The following HS3ST1 variants were observed in gnomAD, a reference collection of about 807,000 sequenced individuals.
HS3ST1 encodes heparan sulfate glucosamine 3-O-sulfotransferase 1.
A neutral mutation model predicts 20.7 loss-of-function variants in HS3ST1; 8 were observed. The observed-to-expected ratio is 0.39, with a 90% CI of 0.23 to 0.70. HS3ST1 has a LOEUF of 0.70. Among genes scored for constraint, HS3ST1 ranks in the 30% least tolerant of loss-of-function variants. HS3ST1 has a pLI of 0.46. For synonymous variants in HS3ST1, 205 were observed against 190.4 expected, an observed-to-expected ratio of 1.08 and a Z score of -0.63; for missense variants, 436 against 423.4, an observed-to-expected ratio of 1.03 and a Z score of -0.26.
intron 1 of HS3ST1, among the ~76,000 whole-genome samples, chr4:11,423,651 T>C (rs1481400794): frequency 2.0e-5 from 3 of 152,274 alleles, no homozygotes; most frequent in African/African-American, 7.2e-5. Flanking sequence ...CAGAACAATA[T>C]GCGGTACATG....
rs1247818643 is a variant in HS3ST1 at position 11,395,205 on chromosome 4, TTCCCACAGGAAGG to T, written c.*3864_*3876del. On this transcript the variant is annotated 3_prime_UTR_variant, in exon 2 of 2. Transcript: ENST00000002596. ...TTTATGGCAATTCCTCCATGAAGCC[TTCCCACAGGAAGG>T]TCAGGGTCTCTGTGGCCCACAAGTT... 6.6e-6 allele frequency: 1 copy of T among 152,136 alleles called. No individual in the cohort carries two copies. The highest frequency in any genetic ancestry group is 1.5e-5 in the Non-Finnish European group (1 of 68,018). The allele number at this position is 152,136 out of a possible 1,614,324, so 9.4% of individuals were successfully genotyped here. A position where few individuals can be genotyped will look rare whatever the true frequency, so the allele number is the denominator to read the frequency against.
intron 1 of HS3ST1, among the ~76,000 whole-genome samples, chr4:11,401,002 C>T (rs1246732387): frequency 6.6e-6 from 1 of 152,092 alleles, no homozygotes; most frequent in East Asian, 1.9e-4. Flanking sequence ...GTTTTAAGCC[C>T]CTGAGTTTTG....
intron 1 of HS3ST1, among the ~76,000 whole-genome samples, chr4:11,407,885 C>A (rs116828790): frequency 0.012 from 1,799 of 152,350 alleles, 40 homozygotes; most frequent in African/African-American, 0.041. Context: ...TAGTCTTTGG[C>A]ATGGCTAGGA....
At chr4:11,400,538 C>G (rs1176660960) in intron 1 of HS3ST1, among the ~76,000 whole-genome samples, 1 of 152,136 alleles carries the variant, frequency 6.6e-6, no homozygotes, top group East Asian at 1.9e-4. Context: ...CCAGGTTTGC[C>G]TCCCTAGTCA....
chr4:11,421,639 T>TC (rs1718938553), intron 1 of HS3ST1, among the ~76,000 whole-genome samples: 2 of 152,234 alleles, frequency 1.3e-5, no homozygotes, highest in Non-Finnish European at 2.9e-5. Context: ...TACAAGTACT[T>TC]CATCTGCAGG....
At chr4:11,433,011 G>T (rs747911684), upstream of HS3ST1, among the ~76,000 whole-genome samples, 1 of 152,078 alleles carries the variant, frequency 6.6e-6, no homozygotes, top group Non-Finnish European at 1.5e-5. Flanking sequence ...ACACATCTTG[G>T]CATATGTGGT....
rs148801024 is a variant in HS3ST1, at chr4:11,395,917, G to A, written c.*3165C>T. 6.6e-6 allele frequency: 1 copy of A among 152,176 alleles called. No individual in the cohort carries two copies. Among genetic ancestry groups the A allele is most frequent in the Non-Finnish European group, 1.5e-5 (1 of 68,044 alleles). The allele number at this position is 152,176 out of a possible 1,614,324, so 9.4% of individuals were successfully genotyped here. A position where few individuals can be genotyped will look rare whatever the true frequency, so the allele number is the denominator to read the frequency against. On this transcript the variant is annotated 3_prime_UTR_variant, in exon 2 of 2. Coordinates refer to ENST00000002596, the MANE Select transcript of HS3ST1 (RefSeq NM_005114.4). ...TACACAGCTAAATGTCTTTGCCTTTGTACTCCAAGACCCTCTGTACTTTTA... is the reference window on the plus strand; with the variant it reads ...TACACAGCTAAATGTCTTTGCCTTTATACTCCAAGACCCTCTGTACTTTTA...
chr4:11,427,959 CCCTT>C (rs775273389), intron 1 of HS3ST1, among the ~76,000 whole-genome samples: 7 of 152,220 alleles, frequency 4.6e-5, no homozygotes, highest in Non-Finnish European at 1.0e-4. Context: ...GCGAATAAGA[CCCTT>C]CCTGGGAGCT....
At chr4:11,407,418 CTGGATAATAAATTGAATTCTCTGAAA>C (rs748967233) in intron 1 of HS3ST1, among the ~76,000 whole-genome samples, 15 of 152,246 alleles carry the variant, frequency 9.9e-5, no homozygotes, top group Non-Finnish European at 1.8e-4. Flanking sequence ...AAACGTTTAA[CTGGATAATAAATTGAATTCTCTGAAA>C]TTGAAGGAAG....
At chr4:11,404,579 C>T (rs1718411034) in intron 1 of HS3ST1, among the ~76,000 whole-genome samples, 1 of 152,194 alleles carries the variant, frequency 6.6e-6, no homozygotes, top group African/African-American at 2.4e-5. Flanking sequence ...TCTACGCACT[C>T]ACAGATTAGG....
Position 11,409,744 on chromosome 4 carries a change from G to A in HS3ST1, c.-108-9631C>T, listed in dbSNP as rs114555048. On this transcript the variant is annotated intron_variant, in intron 1 of 1. Transcript: ENST00000002596. ...AATAATTAGTAAAGCAAAACTGTTT[G>A]GCTGGGACTTCCTCCACTGTGTGTA... 3.0e-3 allele frequency among the ~76,000 whole-genome samples: 452 copies of A among 152,304 alleles called. 2 individuals carry two copies. The highest frequency in any genetic ancestry group is 5.8e-3 in the Non-Finnish European group (394 of 68,030).
intron 1 of HS3ST1, among the ~76,000 whole-genome samples, chr4:11,401,834 CTGCTGGCCTAGA>C (rs1718335131): frequency 6.6e-6 from 1 of 152,220 alleles, no homozygotes; most frequent in Non-Finnish European, 1.5e-5. Flanking sequence ...GACACAGGAA[CTGCTGGCCTAGA>C]TGCTGTGGGG....
In HS3ST1 at chr4:11,423,021, C is replaced by CAAAAAAAAAAAAAAAAAAAAAAAAAA. The variant is rs71181101; in HGVS notation, c.-109+5652_-109+5677dup. On this transcript the variant is annotated intron_variant, in intron 1 of 1. Transcript: ENST00000002596. The stretch of plus-strand genomic sequence containing the variant: ...CAGGGCAACAAGAGCGAGACACCGT[C>CAAAAAAAAAAAAAAAAAAAAAAAAAA]AAAAAAAAAAAAAAAAAAAAAAAAA... Among the ~76,000 whole-genome samples the CAAAAAAAAAAAAAAAAAAAAAAAAAA allele has an allele frequency of 5.8e-5, 2 of 34,386 alleles. 1 individual carries two copies. The highest frequency in any genetic ancestry group is 2.4e-4 in the African/African-American group (2 of 8,304). 22.6% of individuals were successfully genotyped at this position (34,386 alleles called of 152,430 possible).
At chr4:11,400,437 A>T (rs1718292661) in intron 1 of HS3ST1, among the ~76,000 whole-genome samples, 2 of 152,110 alleles carry the variant, frequency 1.3e-5, no homozygotes, top group African/African-American at 4.8e-5. Flanking sequence ...ATTTCATATA[A>T]TTTTCACGTG....
At chr4:11,409,159 C>G (rs1490800108) in intron 1 of HS3ST1, among the ~76,000 whole-genome samples, 1 of 152,186 alleles carries the variant, frequency 6.6e-6, no homozygotes, top group Non-Finnish European at 1.5e-5. Flanking sequence ...ATCTTACTAA[C>G]CCCCAGACAC....
At chr4:11,423,257 A>G (rs1718983471) in intron 1 of HS3ST1, among the ~76,000 whole-genome samples, 1 of 152,178 alleles carries the variant, frequency 6.6e-6, no homozygotes. Context: ...ATGGCAGACA[A>G]TAAACGTGCT....
Position 11,394,180 on chromosome 4 carries a change from T to C in HS3ST1, c.*4902A>G, listed in dbSNP as rs1194632492. ...TTTTCCCCCAACAGAGTACAGTACA[T>C]ATCTGCCCATTTTTATGGAGAAGGA... On this transcript the variant is annotated 3_prime_UTR_variant, in exon 2 of 2. Transcript: ENST00000002596. 6.6e-6 allele frequency: 1 copy of C among 152,220 alleles called. No individual in the cohort carries two copies. The highest frequency in any genetic ancestry group is 2.4e-5 in the African/African-American group (1 of 41,458). 9.4% of individuals were successfully genotyped at this position (152,220 alleles called of 1,614,324 possible).
chr4:11,425,096 C>T (rs112734410), intron 1 of HS3ST1, among the ~76,000 whole-genome samples: 67 of 152,278 alleles, frequency 4.4e-4, no homozygotes, highest in African/African-American at 1.4e-3. Context: ...ATAGAAATGA[C>T]GCCATCTGCT....
At position 11,395,552 on chromosome 4, in the gene HS3ST1, C is replaced by T. The variant is rs906763618; in HGVS notation, c.*3530G>A. 1 of 149,492 alleles carries T rather than the reference C, an allele frequency of 6.7e-6. No individual in the cohort carries two copies. Among genetic ancestry groups the T allele is most frequent in the Non-Finnish European group, 1.5e-5 (1 of 67,568 alleles). The allele number at this position is 149,492 out of a possible 1,614,324, so 9.3% of individuals were successfully genotyped here. A position where few individuals can be genotyped will look rare whatever the true frequency, so the allele number is the denominator to read the frequency against. ...GAGTGCAGTGGCATCATCTCGGCCC[C>T]CTGCAACCTCCACCTGCCAGGTTCA... On this transcript the variant is annotated 3_prime_UTR_variant, in exon 2 of 2. Transcript: ENST00000002596.
Sources: allele counts gnomAD v4.1 joint callset (sites outside exome capture counted in the v4.1 genomes callset), GRCh38; gene constraint gnomAD v4.1.1; transcripts MANE v1.5; gene names NCBI Gene and HGNC (gene_info 2026-07-23, HGNC 2026-07-21).